The following NSUN3 variants were observed in gnomAD, a reference collection of about 807,000 sequenced individuals.
NSUN3 encodes NOP2/Sun RNA methyltransferase 3.
A neutral mutation model predicts 36.8 loss-of-function variants in NSUN3; 24 were observed. That is an observed-to-expected ratio of 0.65 (90% CI 0.47 to 0.92). The LOEUF (loss-of-function observed/expected upper bound fraction) is 0.92. NSUN3 is among the 40% of genes least tolerant of loss of function. NSUN3 has a pLI of 0.00. For synonymous variants in NSUN3, 146 were observed against 145.2 expected (o/e 1.01, Z -0.04); for missense variants, 381 against 392.8 (o/e 0.97, Z 0.25).
intron 5 of NSUN3, among the ~76,000 whole-genome samples, chr3:94,106,888 A>G (rs915088618): frequency 6.6e-6 from 1 of 152,228 alleles, no homozygotes; most frequent in African/African-American, 2.4e-5. Flanking sequence ...TGAAGAAAAA[A>G]TTCCCAAAAT....
intron 2 of NSUN3, among the ~76,000 whole-genome samples, chr3:94,075,348 G>A (rs1250570730): frequency 6.6e-6 from 1 of 152,048 alleles, no homozygotes; most frequent in African/African-American, 2.4e-5. Context: ...AAAATATATG[G>A]GGAAAGAGGA....
chr3:94,063,428 C>T (rs1212068751), intron 1 of NSUN3: 3 of 456,082 alleles, frequency 6.6e-6, no homozygotes, highest in Non-Finnish European at 1.2e-5. Flanking sequence ...AGAACAGTGT[C>T]TGTTACATAG....
At chr3:94,073,746 G>A (rs2077235333) in intron 2 of NSUN3, among the ~76,000 whole-genome samples, 1 of 152,092 alleles carries the variant, frequency 6.6e-6, no homozygotes, top group Non-Finnish European at 1.5e-5. Context: ...CCATTCTGTA[G>A]GTTGCCTGTT....
At chr3:94,122,008 G>A (rs1171074179) in intron 5 of NSUN3, among the ~76,000 whole-genome samples, 2 of 152,032 alleles carry the variant, frequency 1.3e-5, no homozygotes, top group African/African-American at 4.8e-5. Flanking sequence ...AGCCAGGCGT[G>A]GTGGCAGGTG....
chr3:94,075,305 A>G (rs1310316968), intron 2 of NSUN3, among the ~76,000 whole-genome samples: 2 of 152,140 alleles, frequency 1.3e-5, no homozygotes, highest in Non-Finnish European at 2.9e-5. Flanking sequence ...AAGAAACAAC[A>G]TGAAAACAGC....
intron 3 of NSUN3, among the ~76,000 whole-genome samples, chr3:94,093,548 C>T (rs1366212973): frequency 6.6e-6 from 1 of 151,506 alleles, no homozygotes; most frequent in Non-Finnish European, 1.5e-5. Context: ...TAAATAACCC[C>T]TAGAGACCTG....
At chr3:94,085,019 A>G (rs2077285901) in intron 3 of NSUN3, 4 of 152,218 alleles carry the variant, frequency 2.6e-5, no homozygotes, top group Admixed American at 2.0e-4. Flanking sequence ...AAATAATGAG[A>G]TATTTTACAT....
At chr3:94,064,243 T>C (rs1229600841) in intron 1 of NSUN3, 194 bp from the exon 2 acceptor site, 8 of 563,876 alleles carry the variant, frequency 1.4e-5, no homozygotes, top group African/African-American at 7.6e-5. Context: ...TGGAAAATAA[T>C]TATTTGGAAA....
intron 5 of NSUN3, among the ~76,000 whole-genome samples, chr3:94,100,670 A>C (rs1455219560): frequency 6.6e-6 from 1 of 152,212 alleles, no homozygotes; most frequent in Non-Finnish European, 1.5e-5. Context: ...AGATATGCTA[A>C]TTAACTAGAT....
In NSUN3 at chr3:94,110,951, A is replaced by C. The variant is rs367679100; in HGVS notation, c.744-15260A>C. ...GAAGATTGGGCCTGGATCCCTGATG[A>C]TTCTGGAGTCTGGCCATCTACTAAT... On this transcript the variant is annotated intron_variant, in intron 5 of 5. Coordinates refer to ENST00000314622, the MANE Select transcript of NSUN3 (RefSeq NM_022072.5). Among the ~76,000 whole-genome samples the C allele has an allele frequency of 2.0e-4, 30 of 152,154 alleles. No individual in the cohort carries two copies. The South Asian group carries it at 4.6e-3, about 23-fold the overall frequency.
intron 2 of NSUN3, 142 bp from the exon 3 acceptor site, chr3:94,083,965 G>A: frequency 1.6e-6 from 1 of 636,108 alleles, no homozygotes; most frequent in Non-Finnish European, 2.7e-6. Context: ...AAAAGGAAGA[G>A]TCAGGAATAC....
chr3:94,076,047 A>C (rs2077244395), intron 2 of NSUN3: 15 of 1,606,020 alleles, frequency 9.3e-6, no homozygotes, highest in Middle Eastern at 1.7e-4. Context: ...TTCCAGGAGA[A>C]ATCAGATATC....
rs557366985 is a variant in NSUN3 at position 94,120,396 on chromosome 3, C to T, written c.744-5815C>T. 3.9e-5 allele frequency among the ~76,000 whole-genome samples: 6 copies of T among 152,266 alleles called. No homozygotes were observed. In the South Asian group the frequency reaches 1.0e-3, roughly 26 times the overall value. Reference sequence around the variant, plus strand: ...CTTTTCATCTTTCAAAACTGAAAGTCGATATCCATTAAGCACTAACTCTTC... The same window carrying T: ...CTTTTCATCTTTCAAAACTGAAAGTTGATATCCATTAAGCACTAACTCTTC... On this transcript the variant is annotated intron_variant, in intron 5 of 5. Transcript: ENST00000314622.
chr3:94,105,081 A>C (rs2077383288), intron 5 of NSUN3, among the ~76,000 whole-genome samples: 1 of 152,258 alleles, frequency 6.6e-6, no homozygotes, highest in South Asian at 2.1e-4. Context: ...AGTTTAAAAA[A>C]TTTGAACTGA....
intron 2 of NSUN3, chr3:94,076,608 C>T: frequency 1.1e-6 from 1 of 901,948 alleles, no homozygotes; most frequent in Non-Finnish European, 1.9e-6. Context: ...AGTAAGTGCC[C>T]ACTGAGATTT....
At chr3:94,078,033 G>C (rs1014916710) in intron 2 of NSUN3, among the ~76,000 whole-genome samples, 1 of 152,036 alleles carries the variant, frequency 6.6e-6, no homozygotes, top group Non-Finnish European at 1.5e-5. Flanking sequence ...TTTGATGTTA[G>C]GTTGTCAATT....
intron 2 of NSUN3, among the ~76,000 whole-genome samples, chr3:94,080,095 C>G (rs926314077): frequency 2.0e-5 from 3 of 152,054 alleles, no homozygotes; most frequent in African/African-American, 7.2e-5. Flanking sequence ...ATGTTGGTGA[C>G]CTTTGGCTGG....
intron 2 of NSUN3, among the ~76,000 whole-genome samples, chr3:94,069,233 T>G (rs2077216282): frequency 1.3e-5 from 2 of 152,210 alleles, no homozygotes; most frequent in South Asian, 4.1e-4. Flanking sequence ...ATAACAAATC[T>G]GGACATAAAT....
intron 5 of NSUN3, among the ~76,000 whole-genome samples, chr3:94,104,742 A>T (rs190401701): frequency 6.6e-6 from 1 of 152,350 alleles, no homozygotes; most frequent in African/African-American, 2.4e-5. Context: ...TTACACATAG[A>T]GGGTAGACAC....
Sources: allele counts gnomAD v4.1 joint callset (sites outside exome capture counted in the v4.1 genomes callset), GRCh38; gene constraint gnomAD v4.1.1; transcripts MANE v1.5; gene names NCBI Gene and HGNC (gene_info 2026-07-23, HGNC 2026-07-21).